NAV1: variants seen among roughly 807,000 people sequenced by gnomAD.
NAV1 encodes neuron navigator 1.
Under a neutral mutation model 175.2 loss-of-function variants are expected in NAV1, and 18 were observed. The ratio of observed to expected loss-of-function variants is 0.10; its 90% confidence interval spans 0.07 to 0.15. The LOEUF (loss-of-function observed/expected upper bound fraction) is 0.15, where lower values mean the gene tolerates loss of function less well. Ranked by LOEUF, NAV1 falls within the 10% of genes least tolerant of loss-of-function variation. The probability of loss-of-function intolerance (pLI) is 1.00; values close to 1 mark genes in which losing one functional copy is unlikely to be tolerated. For missense variants in NAV1, 1,731 were observed against 2,436.6 expected, an observed-to-expected ratio of 0.71 and a Z score of 6.10; for synonymous variants, 897 against 978.7, an observed-to-expected ratio of 0.92 and a Z score of 1.56.
intron 1 of NAV1, among the ~76,000 whole-genome samples, chr1:201,549,592 A>G (rs1462816532): frequency 6.6e-6 from 1 of 151,886 alleles, no homozygotes; most frequent in African/African-American, 2.4e-5. Context: ...ATTTAATAAT[A>G]TTTATGTAGT....
intron 1 of NAV1, among the ~76,000 whole-genome samples, chr1:201,665,857 A>AGT (rs969824773): frequency 6.6e-6 from 1 of 151,420 alleles, no homozygotes; most frequent in Non-Finnish European, 1.5e-5. Flanking sequence ...TATCTGTGCT[A>AGT]GTGTTAAAAA....
intron 1 of NAV1, among the ~76,000 whole-genome samples, chr1:201,571,663 T>C (rs1046599067): frequency 6.6e-6 from 1 of 152,258 alleles, no homozygotes; most frequent in African/African-American, 2.4e-5. Context: ...ACTGGAAGCC[T>C]GGCTAGGCGT....
At chr1:201,654,088 C>T (rs375992657) in intron 1 of NAV1, among the ~76,000 whole-genome samples, 2 of 152,120 alleles carry the variant, frequency 1.3e-5, no homozygotes, top group African/African-American at 4.8e-5. Context: ...CTGAGAGTAC[C>T]GCATGGATGA....
chr1:201,811,274 A>G (rs1678676742), intron 24 of NAV1, among the ~76,000 whole-genome samples: 1 of 152,164 alleles, frequency 6.6e-6, no homozygotes, highest in Non-Finnish European at 1.5e-5. Context: ...GTACCCTAAT[A>G]CAATGGAGTT....
intron 2 of NAV1, among the ~76,000 whole-genome samples, chr1:201,611,328 T>G (rs1001126526): frequency 6.6e-6 from 1 of 152,170 alleles, no homozygotes; most frequent in African/African-American, 2.4e-5. Flanking sequence ...CCTTTTACTA[T>G]GCGCTCCCCA....
intron 1 of NAV1, among the ~76,000 whole-genome samples, chr1:201,711,372 C>T (rs965360771): frequency 1.3e-5 from 2 of 152,208 alleles, no homozygotes; most frequent in Non-Finnish European, 1.5e-5. Context: ...ATTGCAGGCT[C>T]CCTGCCCGCC....
chr1:201,602,389 G>A (rs1026332562), intron 2 of NAV1, among the ~76,000 whole-genome samples: 1 of 151,896 alleles, frequency 6.6e-6, no homozygotes, highest in Non-Finnish European at 1.5e-5. Flanking sequence ...TCACCCAGGC[G>A]GGAGTACAGT....
At chr1:201,566,898 T>C (rs550214448) in intron 1 of NAV1, among the ~76,000 whole-genome samples, 1 of 152,322 alleles carries the variant, frequency 6.6e-6, no homozygotes, top group African/African-American at 2.4e-5. Flanking sequence ...GATGTTTTTC[T>C]GTATCGATCA....
intron 11 of NAV1, 59 bp from the exon 16 acceptor site, chr1:201,790,495 C>T (rs1268736130): frequency 3.8e-6 from 6 of 1,592,972 alleles, no homozygotes; most frequent in South Asian, 3.3e-5. Context: ...GACTTCTTCA[C>T]CTCCATAGTA....
chr1:201,604,720 G>A (rs1305163715), intron 2 of NAV1, among the ~76,000 whole-genome samples: 2 of 137,712 alleles, frequency 1.5e-5, no homozygotes, highest in Non-Finnish European at 3.2e-5. Flanking sequence ...AGAAAGGAAA[G>A]AAAGAGAAAG....
intron 3 of NAV1, among the ~76,000 whole-genome samples, chr1:201,727,506 A>T (rs1672657568): frequency 6.6e-6 from 1 of 152,160 alleles, no homozygotes; most frequent in South Asian, 2.1e-4. Flanking sequence ...AGTGACCATG[A>T]CCTCTTTCCC....
chr1:201,737,336 G>A (rs1234765058), intron 3 of NAV1: 2 of 152,180 alleles, frequency 1.3e-5, no homozygotes, highest in African/African-American at 4.8e-5. Context: ...CATCAAGAAG[G>A]AAAGAGGAAC....
intron 2 of NAV1, among the ~76,000 whole-genome samples, chr1:201,591,368 C>T (rs551662612): frequency 6.6e-6 from 1 of 152,244 alleles, no homozygotes; most frequent in Non-Finnish European, 1.5e-5. Flanking sequence ...GCTCAGAGGG[C>T]CTCTTTGTCA....
chr1:201,616,887 AC>A (rs1439097000), intron 2 of NAV1, among the ~76,000 whole-genome samples: 1 of 152,128 alleles, frequency 6.6e-6, no homozygotes, highest in East Asian at 1.9e-4. Flanking sequence ...AGAGAGCAGA[AC>A]CTGGGTCTCA....
At chr1:201,614,400 G>T (rs1172497410) in intron 2 of NAV1, among the ~76,000 whole-genome samples, 1 of 152,214 alleles carries the variant, frequency 6.6e-6, no homozygotes, top group Non-Finnish European at 1.5e-5. Flanking sequence ...CGCCTCAAGG[G>T]CAGGAAGGGC....
chr1:201,547,479 C>T (rs1300315258), intron 1 of NAV1, among the ~76,000 whole-genome samples: 1 of 152,194 alleles, frequency 6.6e-6, no homozygotes, highest in East Asian at 1.9e-4. Context: ...AATTTTCTCT[C>T]TCAGCAAAAG....
At chr1:201,567,650 C>T (rs966258818) in intron 1 of NAV1, among the ~76,000 whole-genome samples, 1 of 152,108 alleles carries the variant, frequency 6.6e-6, no homozygotes, top group Non-Finnish European at 1.5e-5. Flanking sequence ...CTCACAGTGC[C>T]CTGGGGTCTC....
chr1:201,643,507 C>T (rs780994664), upstream of NAV1, among the ~76,000 whole-genome samples: 5 of 151,608 alleles, frequency 3.3e-5, no homozygotes, highest in Non-Finnish European at 5.9e-5. Flanking sequence ...CCACAACCTC[C>T]GCCTCCCAGG....
At chr1:201,779,950 A>G (rs992604679) in intron 3 of NAV1, among the ~76,000 whole-genome samples, 2 of 152,188 alleles carry the variant, frequency 1.3e-5, no homozygotes, top group Non-Finnish European at 2.9e-5. Flanking sequence ...GAAATGATAA[A>G]AGTCTAAGAG....
Sources: allele counts gnomAD v4.1 joint callset (sites outside exome capture counted in the v4.1 genomes callset), GRCh38; gene constraint gnomAD v4.1.1; transcripts MANE v1.5; gene names NCBI Gene and HGNC (gene_info 2026-07-23, HGNC 2026-07-21).